The following ETF1 variants were observed in gnomAD, a reference collection of about 807,000 sequenced individuals.
ETF1 encodes the protein eukaryotic peptide chain release factor subunit 1.
Under a neutral mutation model 55.1 loss-of-function variants are expected in ETF1, and 4 were observed. That is an observed-to-expected ratio of 0.07 (90% confidence interval 0.04 to 0.17). ETF1 has a LOEUF of 0.17. Among genes scored for constraint, ETF1 ranks in the 10% least tolerant of loss-of-function variants. The pLI is 1.00. For synonymous variants in ETF1, 157 were observed against 182.3 expected (o/e 0.86, Z 1.12); for missense variants, 142 against 523.6 (o/e 0.27, Z 7.11).
chr5:138,508,613 A>G, intron 10 of ETF1, 56 bp downstream of exon 10: 1 of 1,605,154 alleles, frequency 6.2e-7, no homozygotes, highest in Non-Finnish European at 8.5e-7. Context: ...GCTAGCCAGG[A>G]GGGACCTTGA....
At position 138,530,039 on chromosome 5, in the gene ETF1, C is replaced by T. The variant is rs553612156; in HGVS notation, c.87-11172G>A. Among the ~76,000 whole-genome samples the T allele has an allele frequency of 6.0e-4, 92 of 152,172 alleles. 1 individual carries two copies. Among genetic ancestry groups the T allele is most frequent in the Non-Finnish European group, 8.8e-4 (60 of 68,036 alleles). ...GGTTATAGGCGCAAGCGACCGTGCC[C>T]GCCTGACCCACAAGGATCTTAATCA... is the stretch of plus-strand genomic sequence containing the variant. On this transcript the variant is annotated intron_variant, in intron 2 of 10. Transcript: ENST00000360541.
intron 2 of ETF1, among the ~76,000 whole-genome samples, chr5:138,532,169 A>G (rs979198284): frequency 1.3e-5 from 2 of 151,906 alleles, no homozygotes; most frequent in African/African-American, 4.8e-5. Context: ...TTCAATTTCT[A>G]CTCCATTTCC....
intron 2 of ETF1, chr5:138,542,575 G>T: frequency 7.4e-7 from 1 of 1,347,740 alleles, no homozygotes; most frequent in Non-Finnish European, 9.7e-7. Context: ...TGCAAAAGTA[G>T]CGGTGGCCTA....
intron 2 of ETF1, among the ~76,000 whole-genome samples, chr5:138,534,871 T>C (rs1459922822): frequency 6.6e-6 from 1 of 151,566 alleles, no homozygotes; most frequent in Non-Finnish European, 1.5e-5. Context: ...TCTTCATCCA[T>C]GAAATGGCAA....
intron 4 of ETF1, chr5:138,513,986 C>A: frequency 8.2e-6 from 7 of 858,320 alleles, no homozygotes; most frequent in Non-Finnish European, 9.8e-6. Flanking sequence ...TATCTGTATG[C>A]CCATGTTTAT....
chr5:138,525,639 C>T (rs936392464), intron 2 of ETF1, among the ~76,000 whole-genome samples: 2 of 151,942 alleles, frequency 1.3e-5, no homozygotes, highest in Non-Finnish European at 2.9e-5. Context: ...TGAACCGAAG[C>T]ACACTAAAAA....
At chr5:138,511,832 AT>A (rs1764797544) in intron 6 of ETF1, 1 of 984,558 alleles carries the variant, frequency 1.0e-6, no homozygotes, top group African/African-American at 1.7e-5. Context: ...AGGACAACTC[AT>A]TAAGTGCAAA....
At chr5:138,538,181 C>T (rs973252998) in intron 2 of ETF1, among the ~76,000 whole-genome samples, 7 of 144,220 alleles carry the variant, frequency 4.9e-5, no homozygotes, top group Non-Finnish European at 1.1e-4. Flanking sequence ...TGAGCCACCA[C>T]GCCCGGCCTG....
intron 2 of ETF1, among the ~76,000 whole-genome samples, chr5:138,521,483 C>T (rs564228701): frequency 7.9e-5 from 12 of 152,116 alleles, no homozygotes; most frequent in South Asian, 4.1e-4. Context: ...TTTTTTACAA[C>T]GAAAAAAATT....
chr5:138,509,019 TCTC>T, intron 9 of ETF1: 3 of 984,966 alleles, frequency 3.0e-6, no homozygotes, highest in Non-Finnish European at 2.4e-6. Flanking sequence ...AAACAACACT[TCTC>T]CTCAGGCTCT....
At chr5:138,508,581 C>A (rs569573580) in intron 10 of ETF1, 88 bp downstream of exon 10, 22 of 1,572,786 alleles carry the variant, frequency 1.4e-5, no homozygotes, top group Non-Finnish European at 1.9e-5. Context: ...ATAATAAGCA[C>A]CTCACCGGAA....
At chr5:138,511,418 A>G in intron 7 of ETF1, 57 bp downstream of exon 7, 1 of 1,591,420 alleles carries the variant, frequency 6.3e-7, no homozygotes, top group Non-Finnish European at 8.5e-7. Context: ...ACACACACAC[A>G]CACACACACA....
At chr5:138,526,254 G>T (rs1274640953) in intron 2 of ETF1, among the ~76,000 whole-genome samples, 16 of 152,162 alleles carry the variant, frequency 1.1e-4, no homozygotes, top group South Asian at 8.3e-4. Context: ...AATTAAATGG[G>T]CTTACGTGTT....
At chr5:138,533,363 G>A (rs553030148) in intron 2 of ETF1, among the ~76,000 whole-genome samples, 158 of 151,940 alleles carry the variant, frequency 1.0e-3, no homozygotes, top group African/African-American at 3.7e-3. Flanking sequence ...AAACACCAGA[G>A]ATTTATTCTA....
rs761417107 is a variant in ETF1 at position 138,508,421 on chromosome 5, G to A, written c.1232-34C>T. The A allele has an allele frequency of 1.9e-6, 3 of 1,611,612 alleles. No homozygotes were observed. In the African/African-American group the frequency reaches 4.0e-5, roughly 22 times the overall value. On this transcript the variant is annotated intron_variant, in intron 10 of 10. Transcript: ENST00000360541. ...ACAAACCAAAAGGTAAATTACCTGTGTTCATGGGATGGGCATGTGTGTAGG... is the reference window on the plus strand; with the variant it reads ...ACAAACCAAAAGGTAAATTACCTGTATTCATGGGATGGGCATGTGTGTAGG...
intron 4 of ETF1, among the ~76,000 whole-genome samples, chr5:138,514,547 C>CA (rs1764938671): frequency 3.4e-5 from 5 of 149,224 alleles, no homozygotes; most frequent in South Asian, 4.2e-4. Context: ...TCTCAAAAAA[C>CA]AAAAAAACTT....
At position 138,507,401 on chromosome 5, in the gene ETF1, T is replaced by C. The variant is rs749507723; in HGVS notation, c.*904A>G. 1 of 152,618 alleles carries C rather than the reference T, an allele frequency of 6.6e-6. No individual in the cohort carries two copies. Among genetic ancestry groups the C allele is most frequent in the South Asian group, 2.1e-4 (1 of 4,832 alleles). The allele number at this position is 152,618 out of a possible 1,614,324, so 9.5% of individuals were successfully genotyped here. ...ACATCCACCTCCCTTTTAACAAGGATTGACCCAAGCAAAATAAAATCCTCT... is the reference window on the plus strand; with the variant it reads ...ACATCCACCTCCCTTTTAACAAGGACTGACCCAAGCAAAATAAAATCCTCT... On this transcript the variant is annotated 3_prime_UTR_variant, in exon 11 of 11. Coordinates refer to ENST00000360541, the MANE Select transcript of ETF1 (RefSeq NM_004730.4).
intron 2 of ETF1, among the ~76,000 whole-genome samples, chr5:138,534,920 G>C (rs911893899): frequency 9.8e-6 from 1 of 101,856 alleles, no homozygotes; most frequent in Non-Finnish European, 2.7e-5. Context: ...AGGTTATAAG[G>C]GGGGGGGTCA....
At chr5:138,535,494 C>G (rs535226404) in intron 2 of ETF1, among the ~76,000 whole-genome samples, 4 of 151,522 alleles carry the variant, frequency 2.6e-5, no homozygotes, top group African/African-American at 7.3e-5. Context: ...CCGAGGCGGG[C>G]GGATCACCTG....
Sources: gnomAD v4.1 joint callset for allele counts (sites outside exome capture counted in the v4.1 genomes callset) on GRCh38, gnomAD v4.1.1 for gene constraint, MANE v1.5 for transcripts, NCBI Gene and HGNC (gene_info 2026-07-23, HGNC 2026-07-21) for gene names.